MMP16: variants seen among roughly 807,000 people sequenced by gnomAD.
MMP16 encodes matrix metallopeptidase 16.
Under a neutral mutation model 67.8 loss-of-function variants are expected in MMP16, and 12 were observed. The ratio of observed to expected loss-of-function variants is 0.18; its 90% CI spans 0.11 to 0.29. The LOEUF is 0.29. Ranked by LOEUF, MMP16 falls within the 10% of genes least tolerant of loss-of-function variation. The probability of loss-of-function intolerance (pLI) is 1.00; values close to 1 mark genes in which losing one functional copy is unlikely to be tolerated. For missense variants in MMP16, 475 were observed against 765.7 expected (o/e 0.62, Z 4.48); for synonymous variants, 249 against 255.9 (o/e 0.97, Z 0.26).
At chr8:88,093,269 C>T (rs1044384788) in intron 6 of MMP16, among the ~76,000 whole-genome samples, 6 of 151,738 alleles carry the variant, frequency 4.0e-5, no homozygotes, top group Admixed American at 6.6e-5. Context: ...CTTCAGAAGC[C>T]GACTTTTGAT....
In MMP16 at chr8:88,157,585, C is replaced by G. The variant is rs565551145; in HGVS notation, c.709+10084G>C. On this transcript the variant is annotated intron_variant, in intron 4 of 9. Transcript: ENST00000286614. Reference sequence around the variant, plus strand: ...TGGTGTCTCTGATAGAGTGTTTAGACAGAGCTCCTCTATCCCACCACAGCG... The same window carrying G: ...TGGTGTCTCTGATAGAGTGTTTAGAGAGAGCTCCTCTATCCCACCACAGCG... Among the ~76,000 whole-genome samples the G allele has an allele frequency of 3.3e-5, 5 of 152,044 alleles. No individual in the cohort carries two copies. The East Asian group carries it at 7.8e-4, about 24-fold the overall frequency.
chr8:88,290,160 C>T (rs930494120), intron 1 of MMP16, among the ~76,000 whole-genome samples: 5 of 152,132 alleles, frequency 3.3e-5, no homozygotes, highest in African/African-American at 1.2e-4. Context: ...ATAATGAGCA[C>T]TGAATGCATA....
At chr8:88,221,707 G>T (rs761083215) in intron 1 of MMP16, among the ~76,000 whole-genome samples, 3 of 151,948 alleles carry the variant, frequency 2.0e-5, no homozygotes, top group Non-Finnish European at 2.9e-5. Flanking sequence ...CAATGAAAAT[G>T]CATGCAAAAT....
Position 88,199,026 on chromosome 8 carries a change from T to C in MMP16, c.133-1720A>G, listed in dbSNP as rs376280676. 3.9e-5 allele frequency among the ~76,000 whole-genome samples: 6 copies of C among 152,186 alleles called. No individual in the cohort carries two copies. The East Asian group carries it at 1.2e-3, about 29-fold the overall frequency. Reference sequence around the variant, plus strand: ...TGTCTCAAAATTAGAACGTTGTATCTTGATTTTTAATAATATACATGCACC... The same window carrying C: ...TGTCTCAAAATTAGAACGTTGTATCCTGATTTTTAATAATATACATGCACC... On this transcript the variant is annotated intron_variant, in intron 1 of 9. Coordinates refer to ENST00000286614, the MANE Select transcript of MMP16 (RefSeq NM_005941.5).
intron 1 of MMP16, among the ~76,000 whole-genome samples, chr8:88,219,503 G>A (rs1281293275): frequency 6.6e-6 from 1 of 152,086 alleles, no homozygotes; most frequent in African/African-American, 2.4e-5. Context: ...ATGAGACCAT[G>A]TCCACTGGAG....
At chr8:88,302,310 G>GA (rs1811115571) in intron 1 of MMP16, among the ~76,000 whole-genome samples, 1 of 152,200 alleles carries the variant, frequency 6.6e-6, no homozygotes, top group South Asian at 2.1e-4. Flanking sequence ...ACCTCTTGAG[G>GA]AAAAACGTGG....
In MMP16 at chr8:88,218,014, T is replaced by A. The variant is rs184730936; in HGVS notation, c.133-20708A>T. 3.3e-5 allele frequency among the ~76,000 whole-genome samples: 5 copies of A among 152,108 alleles called. 1 individual carries two copies. Among genetic ancestry groups the A allele is most frequent in the African/African-American group, 9.6e-5 (4 of 41,546 alleles). On this transcript the variant is annotated intron_variant, in intron 1 of 9. Coordinates refer to ENST00000286614, the MANE Select transcript of MMP16 (RefSeq NM_005941.5). The stretch of plus-strand genomic sequence containing the variant: ...TAAAGATGGGCTATACCATTTACTT[T>A]TATTGTTTTGTTTCATTTGCTTTCT...
At chr8:88,206,044 A>G (rs545884440) in intron 1 of MMP16, among the ~76,000 whole-genome samples, 1 of 152,122 alleles carries the variant, frequency 6.6e-6, no homozygotes, top group South Asian at 2.1e-4. Context: ...TCCACAAGAA[A>G]CTACAAGATT....
At chr8:88,254,154 T>G (rs1479736653) in intron 1 of MMP16, among the ~76,000 whole-genome samples, 1 of 152,222 alleles carries the variant, frequency 6.6e-6, no homozygotes, top group South Asian at 2.1e-4. Context: ...GATCATGTCC[T>G]TTGCAGGGAC....
intron 1 of MMP16, among the ~76,000 whole-genome samples, chr8:88,206,683 T>C (rs368420485): frequency 6.6e-6 from 1 of 152,266 alleles, no homozygotes. Flanking sequence ...TTTCAGTGTT[T>C]AATATCAGAA....
At chr8:88,325,912 G>C (rs955562935) in intron 1 of MMP16, among the ~76,000 whole-genome samples, 6 of 151,986 alleles carry the variant, frequency 3.9e-5, no homozygotes, top group Non-Finnish European at 7.4e-5. Context: ...TTTACACATG[G>C]CATTTATTAT....
At chr8:88,044,452 G>T (rs1336914365) in intron 9 of MMP16, among the ~76,000 whole-genome samples, 1 of 152,116 alleles carries the variant, frequency 6.6e-6, no homozygotes, top group Non-Finnish European at 1.5e-5. Context: ...AACAACCTAG[G>T]TTTTTTCATT....
chr8:88,183,712 C>CTTT (rs71277981), intron 3 of MMP16, among the ~76,000 whole-genome samples: 36,185 of 92,110 alleles, frequency 0.39, 8,457 homozygotes, highest in Non-Finnish European at 0.49. Flanking sequence ...AAATGTCCTT[C>CTTT]TTTTTTTTTT....
At chr8:88,179,709 T>C (rs1808948482) in intron 3 of MMP16, among the ~76,000 whole-genome samples, 1 of 152,194 alleles carries the variant, frequency 6.6e-6, no homozygotes, top group Non-Finnish European at 1.5e-5. Context: ...AACTCTGTTA[T>C]ATCTGTAATA....
intron 1 of MMP16, among the ~76,000 whole-genome samples, chr8:88,277,278 T>C (rs1032352887): frequency 6.6e-6 from 1 of 152,138 alleles, no homozygotes; most frequent in African/African-American, 2.4e-5. Flanking sequence ...GCATCTCGCT[T>C]ATATATTTAA....
At chr8:88,220,805 G>A (rs943354744) in intron 1 of MMP16, among the ~76,000 whole-genome samples, 66 of 152,036 alleles carry the variant, frequency 4.3e-4, no homozygotes, top group Admixed American at 2.9e-3. Flanking sequence ...AGCGTCTTAC[G>A]ATATCAATTT....
At chr8:88,116,204 T>A (rs1809430907) in intron 6 of MMP16, among the ~76,000 whole-genome samples, 1 of 152,040 alleles carries the variant, frequency 6.6e-6, no homozygotes, top group Non-Finnish European at 1.5e-5. Flanking sequence ...CCCTATTAGT[T>A]CCTATTCATG....
intron 1 of MMP16, among the ~76,000 whole-genome samples, chr8:88,287,550 T>C (rs1810851953): frequency 1.3e-5 from 2 of 152,238 alleles, no homozygotes; most frequent in Non-Finnish European, 2.9e-5. Context: ...AAATCATGCC[T>C]CTTTTTGTTC....
intron 1 of MMP16, among the ~76,000 whole-genome samples, chr8:88,300,257 T>C (rs1811077237): frequency 6.6e-6 from 1 of 152,212 alleles, no homozygotes; most frequent in African/African-American, 2.4e-5. Flanking sequence ...TGTTAAATAA[T>C]TATTAAGCCT....
Sources: gnomAD v4.1 joint callset for allele counts (sites outside exome capture counted in the v4.1 genomes callset) on GRCh38, gnomAD v4.1.1 for gene constraint, MANE v1.5 for transcripts, NCBI Gene and HGNC (gene_info 2026-07-23, HGNC 2026-07-21) for gene names.